Variants in ZNF521 observed in about 807,000 individuals in gnomAD.
ZNF521 encodes zinc finger protein 521, also known as LYST-interacting protein 3.
In ZNF521, 14 loss-of-function variants were observed where a neutral mutation model predicts 105.5. That is an observed-to-expected ratio of 0.13 (90% confidence interval 0.09 to 0.21). The LOEUF (loss-of-function observed/expected upper bound fraction) is 0.21. ZNF521 is among the 10% of genes least tolerant of loss of function. The probability of loss-of-function intolerance (pLI) is 1.00; values close to 1 mark genes in which losing one functional copy is unlikely to be tolerated. For missense variants in ZNF521, 1,233 were observed against 1,629.7 expected, an observed-to-expected ratio of 0.76 and a Z score of 4.19; for synonymous variants, 635 against 606.0, an observed-to-expected ratio of 1.05 and a Z score of -0.70.
intron 4 of ZNF521, chr18:25,202,632 C>T (rs1264148446): frequency 6.6e-6 from 1 of 152,076 alleles, no homozygotes; most frequent in Non-Finnish European, 1.5e-5. Flanking sequence ...ATTACCATCC[C>T]AAGAATGAAT....
rs1197945224 is a variant in ZNF521 at position 25,169,084 on chromosome 18, T to C, written c.3658+26076A>G. 4.6e-5 allele frequency among the ~76,000 whole-genome samples: 7 copies of C among 152,298 alleles called. No individual in the cohort carries two copies. The East Asian group carries it at 1.3e-3, about 29-fold the overall frequency. ...CTATATTATAATTCCATGGACAGAATATATACTTTGCTTTCCTTCTTGAGG... is the reference window on the plus strand; with the variant it reads ...CTATATTATAATTCCATGGACAGAACATATACTTTGCTTTCCTTCTTGAGG... On this transcript the variant is annotated intron_variant, in intron 5 of 7. Coordinates refer to ENST00000361524, the MANE Select transcript of ZNF521 (RefSeq NM_015461.3).
intron 3 of ZNF521, among the ~76,000 whole-genome samples, chr18:25,308,228 A>G (rs1600286455): frequency 6.8e-6 from 1 of 146,440 alleles, no homozygotes; most frequent in Admixed American, 6.9e-5. Context: ...AAGCGTGGAT[A>G]CCCCAGCCCC....
At chr18:25,266,895 TC>T (rs2144920179) in intron 3 of ZNF521, among the ~76,000 whole-genome samples, 1 of 152,136 alleles carries the variant, frequency 6.6e-6, no homozygotes, top group African/African-American at 2.4e-5. Flanking sequence ...TTTTTCCATA[TC>T]CCAGTGACAT....
rs114154830 is a variant in ZNF521 at position 25,106,746 on chromosome 18, A to G, written c.3659-14665T>C. Among the ~76,000 whole-genome samples, 1,302 of 152,236 alleles carry G rather than the reference A, an allele frequency of 8.6e-3. 15 individuals are homozygous for G. The highest frequency in any genetic ancestry group is 0.028 in the African/African-American group (1,153 of 41,556). On this transcript the variant is annotated intron_variant, in intron 5 of 7. Coordinates refer to ENST00000361524, the MANE Select transcript of ZNF521 (RefSeq NM_015461.3). The stretch of plus-strand genomic sequence containing the variant: ...ACCCACTACATCTTTTAAAATATAT[A>G]TATTTTAAAATCCTCTTATTTTAAC...
intron 5 of ZNF521, among the ~76,000 whole-genome samples, chr18:25,155,297 C>A (rs1035327023): frequency 2.0e-5 from 3 of 152,058 alleles, no homozygotes; most frequent in Non-Finnish European, 4.4e-5. Context: ...TTAATCTTGC[C>A]TATTGACCCA....
intron 7 of ZNF521, among the ~76,000 whole-genome samples, chr18:25,075,866 A>G (rs2033349289): frequency 6.6e-6 from 1 of 152,232 alleles, no homozygotes; most frequent in Non-Finnish European, 1.5e-5. Flanking sequence ...TAGAAACGCT[A>G]CAGAAAAATT....
At chr18:25,098,094 T>C (rs2033890281) in intron 5 of ZNF521, among the ~76,000 whole-genome samples, 1 of 152,148 alleles carries the variant, frequency 6.6e-6, no homozygotes, top group Admixed American at 6.5e-5. Flanking sequence ...TGCAATATCG[T>C]CCAATTCCTT....
intron 5 of ZNF521, among the ~76,000 whole-genome samples, chr18:25,143,012 C>G (rs1004050364): frequency 1.2e-4 from 19 of 152,084 alleles, no homozygotes; most frequent in African/African-American, 4.6e-4. Flanking sequence ...TTGTTATCAA[C>G]AGATATGCAG....
chr18:25,230,191 C>A (rs1489353634), intron 3 of ZNF521, among the ~76,000 whole-genome samples: 1 of 152,166 alleles, frequency 6.6e-6, no homozygotes, highest in Non-Finnish European at 1.5e-5. Flanking sequence ...TTACACAACA[C>A]CCCCTCTAGA....
chr18:25,096,707 G>A (rs1055706184), intron 5 of ZNF521, among the ~76,000 whole-genome samples: 1 of 152,118 alleles, frequency 6.6e-6, no homozygotes, highest in Admixed American at 6.6e-5. Flanking sequence ...ATTACTGAGG[G>A]CCAATTTGTA....
intron 3 of ZNF521, among the ~76,000 whole-genome samples, chr18:25,253,535 T>C (rs1908260080): frequency 6.6e-6 from 1 of 152,166 alleles, no homozygotes. Context: ...TCAAAAAAGT[T>C]GGGGTGCTCA....
chr18:25,175,366 G>A (rs2144573447), intron 5 of ZNF521, among the ~76,000 whole-genome samples: 1 of 152,224 alleles, frequency 6.6e-6, no homozygotes, highest in Non-Finnish European at 1.5e-5. Context: ...GGCAAAATTA[G>A]GACTTTATAA....
intron 5 of ZNF521, among the ~76,000 whole-genome samples, chr18:25,139,131 G>A (rs1323400775): frequency 2.0e-5 from 3 of 152,072 alleles, no homozygotes; most frequent in South Asian, 2.1e-4. Flanking sequence ...AGCACTTTGG[G>A]AGGCTGAGGT....
chr18:25,095,964 T>C (rs1487365514), intron 5 of ZNF521, among the ~76,000 whole-genome samples: 1 of 152,130 alleles, frequency 6.6e-6, no homozygotes, highest in Non-Finnish European at 1.5e-5. Context: ...GAGTGGGGCC[T>C]TTACCATTGA....
intron 7 of ZNF521, among the ~76,000 whole-genome samples, chr18:25,086,039 A>G (rs952929582): frequency 2.6e-5 from 4 of 152,060 alleles, no homozygotes; most frequent in African/African-American, 9.7e-5. Flanking sequence ...TCTCTTGTGA[A>G]AAGTCCTTAT....
At chr18:25,236,089 GC>G (rs1319955650) in intron 3 of ZNF521, among the ~76,000 whole-genome samples, 1 of 152,184 alleles carries the variant, frequency 6.6e-6, no homozygotes, top group Admixed American at 6.5e-5. Flanking sequence ...AGGTTGTCAG[GC>G]TGTTTTCATA....
intron 3 of ZNF521, among the ~76,000 whole-genome samples, chr18:25,235,435 G>A (rs538544712): frequency 5.3e-5 from 8 of 152,272 alleles, no homozygotes; most frequent in African/African-American, 1.4e-4. Context: ...AAATGGCTTC[G>A]TTAGGGAATG....
At chr18:25,316,673 C>T (rs553999016) in intron 3 of ZNF521, among the ~76,000 whole-genome samples, 89 of 152,204 alleles carry the variant, frequency 5.8e-4, no homozygotes, top group Non-Finnish European at 1.1e-3. Flanking sequence ...AAACATGGAT[C>T]GTTCCTGATT....
chr18:25,231,572 CA>C (rs1906530704), intron 3 of ZNF521: 1 of 152,200 alleles, frequency 6.6e-6, no homozygotes, highest in African/African-American at 2.4e-5. Context: ...GACAGACAAG[CA>C]CGCAAATGAG....
Sources: gnomAD v4.1 joint callset for allele counts (sites outside exome capture counted in the v4.1 genomes callset) on GRCh38, gnomAD v4.1.1 for gene constraint, MANE v1.5 for transcripts, NCBI Gene and HGNC (gene_info 2026-07-23, HGNC 2026-07-21) for gene names.